Variants in SLC12A8 observed in about 807,000 individuals in gnomAD.
SLC12A8 encodes the protein cation-chloride cotransporter 9.
A neutral mutation model predicts 75.6 loss-of-function variants in SLC12A8; 69 were observed. The ratio of observed to expected loss-of-function variants is 0.91; its 90% CI spans 0.75 to 1.11. SLC12A8 has a LOEUF of 1.11. Ranked by LOEUF, SLC12A8 falls within the 50% of genes most tolerant of loss-of-function variation. The probability of loss-of-function intolerance (pLI) is 0.00; values close to 1 mark genes in which losing one functional copy is unlikely to be tolerated. For missense variants in SLC12A8, 877 were observed against 896.7 expected (o/e 0.98, Z 0.28); for synonymous variants, 365 against 372.8 (o/e 0.98, Z 0.24).
chr3:125,135,448 G>A (rs1933463393), intron 6 of SLC12A8, among the ~76,000 whole-genome samples: 2 of 152,106 alleles, frequency 1.3e-5, no homozygotes, highest in African/African-American at 4.8e-5. Context: ...TATGTTTGAG[G>A]CCAGGGGTTC....
At chr3:125,115,498 G>A (rs1395516400) in intron 8 of SLC12A8, among the ~76,000 whole-genome samples, 1 of 151,818 alleles carries the variant, frequency 6.6e-6, no homozygotes, top group African/African-American at 2.4e-5. Flanking sequence ...ACTCCAGCTT[G>A]GGCAACAAGA....
At chr3:125,104,161 G>A (rs558907115) in intron 10 of SLC12A8, among the ~76,000 whole-genome samples, 9 of 151,892 alleles carry the variant, frequency 5.9e-5, no homozygotes, top group African/African-American at 1.2e-4. Context: ...GCTGGAGTGC[G>A]GTGGAGTGAT....
chr3:125,128,479 CTT>C (rs34392392), intron 6 of SLC12A8, among the ~76,000 whole-genome samples: 16,941 of 108,892 alleles, frequency 0.16, 1,286 homozygotes, highest in Middle Eastern at 0.27. Context: ...CGCGCCCGGC[CTT>C]TTTTTTTTTT....
At chr3:125,192,265 G>A (rs888476969) in intron 2 of SLC12A8, among the ~76,000 whole-genome samples, 4 of 152,108 alleles carry the variant, frequency 2.6e-5, no homozygotes, top group South Asian at 4.1e-4. Flanking sequence ...GAGGCAGGCC[G>A]GGAGGGGGCC....
chr3:125,196,936 A>G (rs187047700), intron 2 of SLC12A8, among the ~76,000 whole-genome samples: 1 of 152,278 alleles, frequency 6.6e-6, no homozygotes, highest in African/African-American at 2.4e-5. Flanking sequence ...TCAAACAAAC[A>G]AAAAAAGTGA....
Position 125,211,300 on chromosome 3 carries a change from T to C in SLC12A8, c.50A>G (p.Gln17Arg). 1 of 1,613,522 alleles carries C rather than the reference T, an allele frequency of 6.2e-7. No individual in the cohort carries two copies. Among genetic ancestry groups the C allele is most frequent in the South Asian group, 1.1e-5 (1 of 91,072 alleles). ...VQELFHEAAQ[Q>R]DALAQPQPWW... ...GACCCTGGCACATCCTGAGCCTACCTGCTGGGCTGCCTCATGGAAGAGCTC... is the reference window on the plus strand; with the variant it reads ...GACCCTGGCACATCCTGAGCCTACCCGCTGGGCTGCCTCATGGAAGAGCTC... The change falls in exon 2 of 14, where the codon CAG (glutamine) becomes CGG (arginine). Residue 17 changes from glutamine to arginine, a missense_variant and splice_region_variant. By Grantham distance (43) the Gln-to-Arg change is conservative. Coordinates refer to ENST00000469902, the MANE Select transcript of SLC12A8 (RefSeq NM_024628.6).
intron 7 of SLC12A8, chr3:125,119,755 G>C (rs1932999861): frequency 2.4e-6 from 1 of 424,682 alleles, no homozygotes; most frequent in Non-Finnish European, 4.8e-6. Context: ...CAGTGTTTGT[G>C]AAACAGATAC....
At chr3:125,176,475 G>A (rs955143464) in intron 5 of SLC12A8, among the ~76,000 whole-genome samples, 1 of 152,162 alleles carries the variant, frequency 6.6e-6, no homozygotes, top group Admixed American at 6.5e-5. Flanking sequence ...ATTGACAAAT[G>A]GGATACAATT....
At position 125,120,977 on chromosome 3, in the gene SLC12A8, G is replaced by A. The variant is rs761919103; in HGVS notation, c.737-291C>T. 6.0e-6 allele frequency: 4 copies of A among 666,736 alleles called. No homozygotes were observed. The African/African-American group carries it at 7.3e-5, about 12-fold the overall frequency. 41.3% of individuals were successfully genotyped at this position (666,736 alleles called of 1,614,324 possible). On this transcript the variant is annotated intron_variant, in intron 6 of 13. Transcript: ENST00000469902. Reference sequence around the variant, plus strand: ...CAAAGCAACCAGGGGGGAGGAAAGCGGCTTGCAAGGCACACAGAGGTCCTG... The same window carrying A: ...CAAAGCAACCAGGGGGGAGGAAAGCAGCTTGCAAGGCACACAGAGGTCCTG...
At chr3:125,208,828 A>G (rs1464482553) in intron 2 of SLC12A8, among the ~76,000 whole-genome samples, 1 of 139,754 alleles carries the variant, frequency 7.2e-6, no homozygotes, top group Non-Finnish European at 1.5e-5. Context: ...AGAGAGAGCT[A>G]CCCTATCTGG....
intron 12 of SLC12A8, among the ~76,000 whole-genome samples, chr3:125,089,633 C>T (rs1209281811): frequency 2.0e-5 from 3 of 148,236 alleles, no homozygotes; most frequent in Non-Finnish European, 3.0e-5. Flanking sequence ...AAGTGCATTT[C>T]TTTCAAAGTG....
chr3:125,186,026 GGTGTT>G (rs1934774375), intron 4 of SLC12A8, among the ~76,000 whole-genome samples: 1 of 152,160 alleles, frequency 6.6e-6, no homozygotes, highest in Non-Finnish European at 1.5e-5. Context: ...TTTGTCCAGG[GGTGTT>G]CACACCAGTG....
intron 8 of SLC12A8, among the ~76,000 whole-genome samples, chr3:125,112,992 T>TTGCAGAAA (rs1939224759): frequency 2.6e-5 from 4 of 152,370 alleles, no homozygotes; most frequent in African/African-American, 9.6e-5. Flanking sequence ...TGGCATCTCC[T>TTGCAGAAA]TGCAGAAATT....
At position 125,116,465 on chromosome 3, in the gene SLC12A8, G is replaced by T. The variant is rs149174560; in HGVS notation, c.912+2304C>A. Among the ~76,000 whole-genome samples the T allele has an allele frequency of 3.0e-4, 45 of 152,314 alleles. No homozygotes were observed. In the South Asian group the frequency reaches 9.1e-3, roughly 31 times the overall value. ...CTAAGTGCTTGCCTACCTGCTCATT[G>T]TCGGGACAGGTGGCATTCCACAGGA... On this transcript the variant is annotated intron_variant, in intron 8 of 13. Coordinates refer to ENST00000469902, the MANE Select transcript of SLC12A8 (RefSeq NM_024628.6).
chr3:125,195,779 A>T (rs1299506765), intron 2 of SLC12A8, among the ~76,000 whole-genome samples: 36 of 152,162 alleles, frequency 2.4e-4, no homozygotes, highest in Non-Finnish European at 2.9e-5. Context: ...CTCAGAGCCC[A>T]GAGATGAGCT....
At chr3:125,102,369 G>A (rs976145625) in intron 10 of SLC12A8, among the ~76,000 whole-genome samples, 5 of 152,166 alleles carry the variant, frequency 3.3e-5, no homozygotes, top group Non-Finnish European at 7.3e-5. Context: ...GAGAAGTGTG[G>A]CCAGGAACGT....
chr3:125,189,734 C>CA (rs530079629), intron 3 of SLC12A8, among the ~76,000 whole-genome samples: 33 of 152,322 alleles, frequency 2.2e-4, no homozygotes, highest in African/African-American at 7.7e-4. Context: ...ACTGAAGTCC[C>CA]ACTGCATGAG....
At chr3:125,204,678 T>A (rs1023666955) in intron 2 of SLC12A8, among the ~76,000 whole-genome samples, 11 of 152,138 alleles carry the variant, frequency 7.2e-5, no homozygotes, top group African/African-American at 2.4e-4. Context: ...AGGGTAACTA[T>A]AGTCAACAAT....
chr3:125,115,906 G>A (rs1474296403), intron 8 of SLC12A8, among the ~76,000 whole-genome samples: 1 of 152,170 alleles, frequency 6.6e-6, no homozygotes, highest in African/African-American at 2.4e-5. Context: ...AAGTAAGACA[G>A]GAAGCTGAGG....
Sources: allele counts gnomAD v4.1 joint callset (sites outside exome capture counted in the v4.1 genomes callset), GRCh38; gene constraint gnomAD v4.1.1; transcripts MANE v1.5; gene names NCBI Gene and HGNC (gene_info 2026-07-23, HGNC 2026-07-21).